RAB38: variants seen among roughly 807,000 people sequenced by gnomAD.
RAB38 encodes ras-related protein Rab-38.
RAB38 carries 15 observed loss-of-function variants against 18.4 expected under a neutral mutation model. The observed-to-expected ratio is 0.82, with a 90% CI of 0.55 to 1.26. RAB38 has a LOEUF of 1.26. Ranked by LOEUF, RAB38 falls within the 50% of genes most tolerant of loss-of-function variation. The pLI, the probability that RAB38 is intolerant of heterozygous loss-of-function variation, is 0.00. For missense variants in RAB38, 294 were observed against 267.4 expected (o/e 1.10, Z -0.69); for synonymous variants, 101 against 104.4 (o/e 0.97, Z 0.20).
the RAB38 span, among the ~76,000 whole-genome samples, chr11:88,069,548 C>T: frequency 7.9e-5 from 12 of 152,200 alleles, no homozygotes; most frequent in Non-Finnish European, 1.5e-4. Context: ...TATGTCTAGC[C>T]GGAGGATCGT....
chr11:88,133,303 G>A (rs1388636513), intron 2 of RAB38, among the ~76,000 whole-genome samples: 2 of 151,886 alleles, frequency 1.3e-5, no homozygotes, highest in African/African-American at 4.8e-5. Flanking sequence ...AATAAATGTT[G>A]GAAACTTCCA....
chr11:88,069,169 G>A, the RAB38 span, among the ~76,000 whole-genome samples: 2 of 152,236 alleles, frequency 1.3e-5, no homozygotes, highest in African/African-American at 4.8e-5. Context: ...GCTGGCTCTG[G>A]GGAAGTGAGG....
the RAB38 span, among the ~76,000 whole-genome samples, chr11:87,863,792 C>T: frequency 6.6e-6 from 1 of 151,880 alleles, no homozygotes; most frequent in East Asian, 1.9e-4. Context: ...TACTATGCAA[C>T]CTAGCCTCAC....
chr11:87,959,742 A>G, the RAB38 span, among the ~76,000 whole-genome samples: 2 of 151,982 alleles, frequency 1.3e-5, no homozygotes, highest in African/African-American at 2.4e-5. Flanking sequence ...CTCCCTTTCT[A>G]TTTTCCCTCA....
At chr11:87,861,983 G>C in the RAB38 span, among the ~76,000 whole-genome samples, 2 of 151,848 alleles carry the variant, frequency 1.3e-5, no homozygotes, top group African/African-American at 4.8e-5. Flanking sequence ...ACACCAGTCA[G>C]GATGGCTACT....
the RAB38 span, among the ~76,000 whole-genome samples, chr11:87,918,194 T>TTCCTGTTG: frequency 6.6e-6 from 1 of 152,158 alleles, no homozygotes; most frequent in South Asian, 2.1e-4. Context: ...TCCGGGTTCA[T>TTCCTGTTG]TCATGTTGTC....
the RAB38 span, among the ~76,000 whole-genome samples, chr11:87,827,804 A>G: frequency 6.6e-6 from 1 of 152,178 alleles, no homozygotes; most frequent in Admixed American, 6.6e-5. Context: ...GATTCTGGCA[A>G]CCTATAGAAG....
the RAB38 span, among the ~76,000 whole-genome samples, chr11:87,977,558 A>G: frequency 2.5e-5 from 3 of 117,778 alleles, no homozygotes; most frequent in Non-Finnish European, 4.9e-5. Context: ...TAATATAATT[A>G]TATAATATAC....
the RAB38 span, among the ~76,000 whole-genome samples, chr11:88,010,482 A>G: frequency 6.6e-6 from 1 of 152,138 alleles, no homozygotes; most frequent in Non-Finnish European, 1.5e-5. Context: ...TATAAAATCA[A>G]TATTTACTGT....
At chr11:87,901,547 A>C in the RAB38 span, among the ~76,000 whole-genome samples, 1 of 151,528 alleles carries the variant, frequency 6.6e-6, no homozygotes, top group Non-Finnish European at 1.5e-5. Flanking sequence ...ATGGAAGCAT[A>C]TTTCCTAAGG....
intron 1 of RAB38, among the ~76,000 whole-genome samples, chr11:88,162,602 A>G (rs1179901405): frequency 7.1e-6 from 1 of 141,828 alleles, no homozygotes; most frequent in Non-Finnish European, 1.6e-5. Flanking sequence ...TCATTCATTC[A>G]TTTAACAAAA....
At chr11:88,075,920 A>C in the RAB38 span, among the ~76,000 whole-genome samples, 1 of 151,778 alleles carries the variant, frequency 6.6e-6, no homozygotes, top group Admixed American at 6.6e-5. Flanking sequence ...GAAAAACTTC[A>C]AACAACCTAA....
intron 2 of RAB38, among the ~76,000 whole-genome samples, chr11:88,143,381 A>G (rs1189677676): frequency 2.0e-5 from 3 of 152,226 alleles, no homozygotes; most frequent in Non-Finnish European, 4.4e-5. Context: ...GCAGGCTATA[A>G]GGTCTCTGTT....
chr11:88,054,102 A>G, the RAB38 span, among the ~76,000 whole-genome samples: 45 of 152,318 alleles, frequency 3.0e-4, no homozygotes, highest in African/African-American at 1.1e-3. Context: ...TGTAAGGATT[A>G]ATGCATATAA....
chr11:87,975,287 T>A, the RAB38 span, among the ~76,000 whole-genome samples: 2 of 151,886 alleles, frequency 1.3e-5, no homozygotes, highest in Non-Finnish European at 2.9e-5. Flanking sequence ...CCAGGTCACA[T>A]GAATTTTAGG....
chr11:88,033,955 C>G, the RAB38 span, among the ~76,000 whole-genome samples: 1 of 152,074 alleles, frequency 6.6e-6, no homozygotes, highest in African/African-American at 2.4e-5. Flanking sequence ...TCTCGATCTC[C>G]TGACCTCGTG....
the RAB38 span, among the ~76,000 whole-genome samples, chr11:87,864,777 C>A: frequency 1.3e-5 from 2 of 151,588 alleles, no homozygotes; most frequent in Non-Finnish European, 3.0e-5. Context: ...TTGAAAGAAA[C>A]GAGTTAGACA....
At chr11:87,977,843 A>G in the RAB38 span, among the ~76,000 whole-genome samples, 43 of 107,658 alleles carry the variant, frequency 4.0e-4, no homozygotes, top group East Asian at 0.011. Context: ...AATCATGTAT[A>G]TTAATGGATA....
chr11:88,144,544 A>C (rs535276714), intron 2 of RAB38, among the ~76,000 whole-genome samples: 1 of 152,256 alleles, frequency 6.6e-6, no homozygotes, highest in African/African-American at 2.4e-5. Context: ...AAAAGAAACT[A>C]ATACCATCTT....
Sources: allele counts gnomAD v4.1 joint callset (sites outside exome capture counted in the v4.1 genomes callset), GRCh38; gene constraint gnomAD v4.1.1; transcripts MANE v1.5; gene names NCBI Gene and HGNC (gene_info 2026-07-23, HGNC 2026-07-21).